Variants in CHAF1B observed in about 807,000 individuals in gnomAD.
CHAF1B encodes the protein CAF-1 subunit B.
In CHAF1B, 10 loss-of-function variants were observed where a neutral mutation model predicts 60.7. That is an observed-to-expected ratio of 0.16 (90% CI 0.10 to 0.28). The LOEUF is 0.28. CHAF1B is among the 10% of genes least tolerant of loss of function. The pLI, the probability that CHAF1B is intolerant of heterozygous loss-of-function variation, is 1.00. For synonymous variants in CHAF1B, 261 were observed against 266.1 expected, an observed-to-expected ratio of 0.98 and a Z score of 0.19; for missense variants, 558 against 708.4, an observed-to-expected ratio of 0.79 and a Z score of 2.41.
intron 5 of CHAF1B, among the ~76,000 whole-genome samples, chr21:36,396,662 A>AG (rs2086142192): frequency 6.6e-6 from 1 of 151,034 alleles, no homozygotes; most frequent in African/African-American, 2.4e-5. Flanking sequence ...TCAAAAAAAA[A>AG]AGAAAAAAAA....
At chr21:36,396,653 CAAAAAAAAAAGA>C (rs1223775542) in intron 5 of CHAF1B, among the ~76,000 whole-genome samples, 1 of 135,438 alleles carries the variant, frequency 7.4e-6, no homozygotes, top group Admixed American at 7.6e-5. Flanking sequence ...CACCCTGTCT[CAAAAAAAAAAGA>C]AAAAAAAAAA....
chr21:36,415,256 T>C (rs1601571055), intron 12 of CHAF1B, 39 bp from the exon 13 acceptor site: 2 of 1,202,944 alleles, frequency 1.7e-6, no homozygotes, highest in East Asian at 2.3e-5. Flanking sequence ...GTGATACTAA[T>C]GAGCCATCAC....
At chr21:36,390,781 G>A (rs1257568866) in intron 3 of CHAF1B, among the ~76,000 whole-genome samples, 2 of 152,054 alleles carry the variant, frequency 1.3e-5, no homozygotes, top group African/African-American at 4.8e-5. Context: ...TCAGCCTCCT[G>A]CGTAGTGGGA....
Position 36,386,280 on chromosome 21 carries a change from T to A in CHAF1B, c.126+18T>A. On this transcript the variant is annotated intron_variant, in intron 2 of 13. Transcript: ENST00000314103. ...ATGTCAGGGTAAACTGGGGCAGAGA[T>A]AGACATCCGGGAACACTGCTTGAAG... 1 of 1,612,910 alleles carries A rather than the reference T, an allele frequency of 6.2e-7. No individual in the cohort carries two copies. The highest frequency in any genetic ancestry group is 2.2e-5 in the East Asian group (1 of 44,862).
At chr21:36,393,084 C>T (rs978035881) in intron 4 of CHAF1B, among the ~76,000 whole-genome samples, 2 of 152,180 alleles carry the variant, frequency 1.3e-5, no homozygotes, top group South Asian at 2.1e-4. Context: ...TGGCGGCGTG[C>T]GCCTGCAATC....
In CHAF1B at chr21:36,391,594, G is replaced by A. The variant is rs771889105; in HGVS notation, c.303G>A (p.Pro101=). Residue 101 remains proline, a synonymous_variant, in exon 4 of 14, where the codon CCG becomes CCA. Coordinates refer to ENST00000314103, the MANE Select transcript of CHAF1B (RefSeq NM_005441.3). ...GGAAGGTGAATGATAACAAGGAGCCGGAGCAGATCGCTTTTCAGGATGAGG... is the reference window on the plus strand; with the variant it reads ...GGAAGGTGAATGATAACAAGGAGCCAGAGCAGATCGCTTTTCAGGATGAGG... ...LLWKVNDNKE[P]EQIAFQDEDE... 9 of 1,613,534 alleles carry A rather than the reference G, an allele frequency of 5.6e-6. No homozygotes were observed. Among genetic ancestry groups the A allele is most frequent in the South Asian group, 3.3e-5 (3 of 91,066 alleles).
chr21:36,417,502 A>G lies in CHAF1B; in HGVS notation c.*1136A>G, dbSNP rs218632. 0.91 allele frequency: 138,746 copies of G among 151,866 alleles called. 63,931 individuals are homozygous for G. The highest frequency in any genetic ancestry group is 0.94 in the Non-Finnish European group (64,013 of 68,004). The allele number at this position is 151,866 out of a possible 1,614,324, so 9.4% of individuals were successfully genotyped here. A position where few individuals can be genotyped will look rare whatever the true frequency, so the allele number is the denominator to read the frequency against. ...GTGCCACCACATCCGGCTAATTTTT[A>G]TATTTTTAGTAGAGATGGGGTTTTG... On this transcript the variant is annotated 3_prime_UTR_variant, in exon 14 of 14. Transcript: ENST00000314103.
In CHAF1B at chr21:36,416,963, C is replaced by T. The variant is rs945312270; in HGVS notation, c.*597C>T. ...TTAATGTTGTAGTATATTTCCTTAG[C>T]ATTTTTGTGGATCTATTTATTCTAA... is the stretch of plus-strand genomic sequence containing the variant. On this transcript the variant is annotated 3_prime_UTR_variant, in exon 14 of 14. Coordinates refer to ENST00000314103, the MANE Select transcript of CHAF1B (RefSeq NM_005441.3). 6.6e-6 allele frequency: 1 copy of T among 152,138 alleles called. No individual in the cohort carries two copies. Among genetic ancestry groups the T allele is most frequent in the East Asian group, 1.9e-4 (1 of 5,188 alleles). The allele number at this position is 152,138 out of a possible 1,614,324, so 9.4% of individuals were successfully genotyped here. A position where few individuals can be genotyped will look rare whatever the true frequency, so the allele number is the denominator to read the frequency against.
chr21:36,417,501 TA>T lies in CHAF1B; in HGVS notation c.*1136del, dbSNP rs2086328820. 6.6e-6 allele frequency: 1 copy of T among 151,986 alleles called. No individual in the cohort carries two copies. The highest frequency in any genetic ancestry group is 2.4e-5 in the African/African-American group (1 of 41,344). The allele number at this position is 151,986 out of a possible 1,614,324, so 9.4% of individuals were successfully genotyped here. On this transcript the variant is annotated 3_prime_UTR_variant, in exon 14 of 14. Transcript: ENST00000314103. ...TGTGCCACCACATCCGGCTAATTTT[TA>T]TATTTTTAGTAGAGATGGGGTTTTG...
At chr21:36,387,217 T>A in intron 2 of CHAF1B, among the ~76,000 whole-genome samples, 1 of 145,276 alleles carries the variant, frequency 6.9e-6, no homozygotes, top group African/African-American at 2.7e-5. Flanking sequence ...AAAATAAGCA[T>A]AGTTTTGTTT....
intron 7 of CHAF1B, among the ~76,000 whole-genome samples, chr21:36,400,336 G>A (rs752089041): frequency 1.5e-4 from 23 of 150,662 alleles, no homozygotes; most frequent in Admixed American, 2.7e-4. Context: ...AAAATTAGCC[G>A]GGTGCATGCA....
chr21:36,388,319 T>TA (rs1482560421), intron 3 of CHAF1B, among the ~76,000 whole-genome samples: 3 of 152,280 alleles, frequency 2.0e-5, no homozygotes, highest in South Asian at 2.1e-4. Context: ...GAAAGGCACT[T>TA]ACCATTCTGT....
rs779625542 is a variant in CHAF1B at position 36,399,605 on chromosome 21, G to A, written c.663G>A (p.Glu221=). The A allele has an allele frequency of 1.2e-6, 2 of 1,613,314 alleles. No individual in the cohort carries two copies. The highest frequency in any genetic ancestry group is 8.5e-7 in the Non-Finnish European group (1 of 1,179,304). ...KMLSGIGAEG[E]ARSYRMFHDD... ...TGTCTGGAATAGGGGCTGAAGGAGAGGTATAAAATATTTTGCCATTCTTTT... is the reference window on the plus strand; with the variant it reads ...TGTCTGGAATAGGGGCTGAAGGAGAAGTATAAAATATTTTGCCATTCTTTT... Residue 221 remains glutamate (E), a splice_region_variant and synonymous_variant, in exon 7 of 14, where the codon GAG becomes GAA. Transcript: ENST00000314103.
At chr21:36,391,463 CAAAA>C (rs376106303) in intron 3 of CHAF1B, 84 bp from the exon 4 acceptor site, 482 of 512,992 alleles carry the variant, frequency 9.4e-4, no homozygotes, top group South Asian at 1.5e-3. Flanking sequence ...GACTCCGTCT[CAAAA>C]AAAAAAAAAA....
intron 10 of CHAF1B, among the ~76,000 whole-genome samples, chr21:36,410,834 T>C (rs893739948): frequency 6.6e-6 from 1 of 152,090 alleles, no homozygotes; most frequent in African/African-American, 2.4e-5. Flanking sequence ...CTACTTTTTT[T>C]ATTTTTAGTA....
intron 13 of CHAF1B, 116 bp downstream of exon 13, chr21:36,415,505 C>T (rs2086311233): frequency 1.3e-6 from 1 of 746,392 alleles, no homozygotes; most frequent in South Asian, 1.6e-5. Context: ...AGGGATGCAT[C>T]TTATTGGAAC....
At chr21:36,396,491 T>C (rs1237121853) in intron 5 of CHAF1B, among the ~76,000 whole-genome samples, 1 of 149,720 alleles carries the variant, frequency 6.7e-6, no homozygotes, top group African/African-American at 2.5e-5. Flanking sequence ...CAAAACCCTC[T>C]CTCTACCAAA....
At chr21:36,414,088 T>C (rs1338217510) in intron 12 of CHAF1B, among the ~76,000 whole-genome samples, 1 of 151,916 alleles carries the variant, frequency 6.6e-6, no homozygotes, top group African/African-American at 2.4e-5. Flanking sequence ...GTCTGCCACT[T>C]CTACTGGATA....
rs187058215 is a variant in CHAF1B at position 36,413,978 on chromosome 21, G to A, written c.1493+663G>A. ...GTTTGATGTCTCCAGCAGCCTGGTC[G>A]GTGAGAAACGGAGGTCCTGATCTGA... On this transcript the variant is annotated intron_variant, in intron 12 of 13. Transcript: ENST00000314103. 3.2e-4 allele frequency among the ~76,000 whole-genome samples: 49 copies of A among 152,276 alleles called. 1 individual carries two copies. In the East Asian group the frequency reaches 9.1e-3, roughly 28 times the overall value.
Sources: gnomAD v4.1 joint callset for allele counts (sites outside exome capture counted in the v4.1 genomes callset) on GRCh38, gnomAD v4.1.1 for gene constraint, MANE v1.5 for transcripts, NCBI Gene and HGNC (gene_info 2026-07-23, HGNC 2026-07-21) for gene names.